PRKG1: variants seen among roughly 807,000 people sequenced by gnomAD.
PRKG1 encodes protein kinase cGMP-dependent 1.
A neutral mutation model predicts 88.1 loss-of-function variants in PRKG1; 35 were observed. That is an observed-to-expected ratio of 0.40 (90% CI 0.30 to 0.53). The LOEUF (loss-of-function observed/expected upper bound fraction) is 0.53, where lower values mean the gene tolerates loss of function less well. PRKG1 is among the 20% of genes least tolerant of loss of function. The pLI, the probability that PRKG1 is intolerant of heterozygous loss-of-function variation, is 0.59. For synonymous variants in PRKG1, 303 were observed against 292.5 expected (o/e 1.04, Z -0.37); for missense variants, 540 against 839.8 (o/e 0.64, Z 4.41).
intron 1 of PRKG1, among the ~76,000 whole-genome samples, chr10:51,125,950 A>G (rs1401591983): frequency 8.4e-5 from 11 of 130,446 alleles, no homozygotes; most frequent in African/African-American, 3.0e-4. Context: ...TAAATATACA[A>G]TTTTATATAT....
At chr10:51,304,130 A>G (rs1304677664) in intron 2 of PRKG1, among the ~76,000 whole-genome samples, 5 of 152,134 alleles carry the variant, frequency 3.3e-5, no homozygotes. Flanking sequence ...AAAATATTTT[A>G]AAACATTGTA....
chr10:51,743,475 G>A (rs765081304), intron 3 of PRKG1, among the ~76,000 whole-genome samples: 6 of 151,516 alleles, frequency 4.0e-5, no homozygotes, highest in Non-Finnish European at 8.8e-5. Context: ...GGAAGCCAGC[G>A]ACAAGGCAAC....
intron 2 of PRKG1, among the ~76,000 whole-genome samples, chr10:51,167,006 GTGA>G (rs1281355079): frequency 6.6e-6 from 1 of 152,066 alleles, no homozygotes; most frequent in Non-Finnish European, 1.5e-5. Flanking sequence ...CACCTACTCA[GTGA>G]TGATTATGTC....
At position 51,074,912 on chromosome 10, in the gene PRKG1, G is replaced by T; in HGVS notation, c.311+11G>T. On this transcript the variant is annotated intron_variant, in intron 1 of 17. Transcript: ENST00000373980. Reference sequence around the variant, plus strand: ...CCCCAAGAGCCCACAGTAAGCAGGGGTGACGCGCCGGGTCCATGTGGCGCC... The same window carrying T: ...CCCCAAGAGCCCACAGTAAGCAGGGTTGACGCGCCGGGTCCATGTGGCGCC... 1 of 1,586,870 alleles carries T rather than the reference G, an allele frequency of 6.3e-7. No individual in the cohort carries two copies. The highest frequency in any genetic ancestry group is 8.6e-7 in the Non-Finnish European group (1 of 1,162,384).
intron 9 of PRKG1, among the ~76,000 whole-genome samples, chr10:52,193,226 A>G (rs1241187989): frequency 1.3e-5 from 2 of 152,054 alleles, no homozygotes; most frequent in Admixed American, 6.5e-5. Flanking sequence ...TTACTTAACC[A>G]TTTGACTCAA....
chr10:51,679,117 T>G (rs1366240091), intron 3 of PRKG1, among the ~76,000 whole-genome samples: 1 of 152,222 alleles, frequency 6.6e-6, no homozygotes, highest in Non-Finnish European at 1.5e-5. Flanking sequence ...TCCCTTATTT[T>G]TAACTGTTGT....
chr10:52,065,185 C>T (rs1846327665), intron 7 of PRKG1, among the ~76,000 whole-genome samples: 1 of 152,140 alleles, frequency 6.6e-6, no homozygotes, highest in African/African-American at 2.4e-5. Flanking sequence ...CTCTCATTTT[C>T]CAATAACCAG....
chr10:52,011,777 C>T (rs539072000), intron 5 of PRKG1, among the ~76,000 whole-genome samples: 64 of 152,230 alleles, frequency 4.2e-4, no homozygotes, highest in South Asian at 1.0e-3. Context: ...TTGTCACTCC[C>T]GTAATTCTCT....
At chr10:51,982,483 T>C (rs983797864) in intron 5 of PRKG1, among the ~76,000 whole-genome samples, 2 of 152,166 alleles carry the variant, frequency 1.3e-5, no homozygotes, top group African/African-American at 4.8e-5. Flanking sequence ...CGTTTTGATT[T>C]ATTTTCTTTT....
intron 2 of PRKG1, among the ~76,000 whole-genome samples, chr10:51,304,752 C>A (rs914423161): frequency 1.0e-4 from 15 of 150,672 alleles, no homozygotes; most frequent in Non-Finnish European, 1.6e-4. Context: ...TTCGTCCTTG[C>A]AATAGTTTAC....
intron 10 of PRKG1, chr10:52,253,569 CAT>C (rs1223979594): frequency 3.3e-5 from 5 of 151,668 alleles, no homozygotes; most frequent in Non-Finnish European, 7.4e-5. Context: ...TGTGTGCACA[CAT>C]GTGTATGCTC....
At chr10:51,688,271 C>T (rs1443893014) in intron 3 of PRKG1, among the ~76,000 whole-genome samples, 1 of 151,948 alleles carries the variant, frequency 6.6e-6, no homozygotes, top group Non-Finnish European at 1.5e-5. Flanking sequence ...CTAACAGGCT[C>T]CCAGGTGATG....
chr10:51,566,197 G>A (rs1366165981), intron 3 of PRKG1, among the ~76,000 whole-genome samples: 1 of 152,076 alleles, frequency 6.6e-6, no homozygotes, highest in Non-Finnish European at 1.5e-5. Flanking sequence ...TCTCTCTCCA[G>A]GGATAAGACT....
At chr10:51,256,858 C>G (rs1261605033) in intron 2 of PRKG1, among the ~76,000 whole-genome samples, 4 of 151,848 alleles carry the variant, frequency 2.6e-5, no homozygotes, top group Non-Finnish European at 5.9e-5. Flanking sequence ...GCTATTGAAA[C>G]TCTATGGGCA....
chr10:51,597,532 A>G (rs1838484787), intron 3 of PRKG1, among the ~76,000 whole-genome samples: 1 of 152,184 alleles, frequency 6.6e-6, no homozygotes, highest in Admixed American at 6.6e-5. Flanking sequence ...TTCCTTCATA[A>G]ATCAATTTTT....
chr10:51,830,560 G>GTTTTTTTTTTTTTTTT (rs531412645), intron 4 of PRKG1, among the ~76,000 whole-genome samples: 4 of 83,648 alleles, frequency 4.8e-5, no homozygotes, highest in African/African-American at 6.5e-5. Flanking sequence ...TTTTTTTTTT[G>GTTTTTTTTTTTTTTTT]TTTTTTTTTT....
At chr10:51,537,507 C>A (rs556769194) in intron 3 of PRKG1, among the ~76,000 whole-genome samples, 1 of 151,834 alleles carries the variant, frequency 6.6e-6, no homozygotes, top group Non-Finnish European at 1.5e-5. Context: ...CCAAGGCAGG[C>A]GGATCACAAG....
intron 1 of PRKG1, among the ~76,000 whole-genome samples, chr10:51,033,655 G>T (rs1399789260): frequency 6.6e-6 from 1 of 152,116 alleles, no homozygotes; most frequent in Non-Finnish European, 1.5e-5. Context: ...GAAGAGTTAT[G>T]TTTAAATCAC....
chr10:51,957,085 CTTCT>C (rs1471730924), intron 5 of PRKG1, among the ~76,000 whole-genome samples: 4 of 137,452 alleles, frequency 2.9e-5, no homozygotes, highest in African/African-American at 8.2e-5. Flanking sequence ...TCTTTCTCTC[CTTCT>C]GTCTTTTCTT....
Sources: gnomAD v4.1 joint callset for allele counts (sites outside exome capture counted in the v4.1 genomes callset) on GRCh38, gnomAD v4.1.1 for gene constraint, MANE v1.5 for transcripts, NCBI Gene and HGNC (gene_info 2026-07-23, HGNC 2026-07-21) for gene names.